Variants in TSPAN12 observed in about 807,000 individuals in gnomAD.
TSPAN12 encodes tetraspanin 12.
Under a neutral mutation model 39.2 loss-of-function variants are expected in TSPAN12, and 19 were observed. That is an observed-to-expected ratio of 0.49 (90% CI 0.34 to 0.71). The LOEUF is 0.71. Ranked by LOEUF, TSPAN12 falls within the 30% of genes least tolerant of loss-of-function variation. TSPAN12 has a pLI of 0.01. For missense variants in TSPAN12, 314 were observed against 359.9 expected (o/e 0.87, Z 1.03); for synonymous variants, 119 against 124.8 (o/e 0.95, Z 0.31).
chr7:120,816,250 C>A (rs1794080226), intron 4 of TSPAN12, among the ~76,000 whole-genome samples: 2 of 151,780 alleles, frequency 1.3e-5, no homozygotes, highest in South Asian at 4.1e-4. Flanking sequence ...GGAAAAAGCA[C>A]AACATAGAAC....
At chr7:120,845,138 G>A (rs998866727) in intron 2 of TSPAN12, among the ~76,000 whole-genome samples, 1 of 152,190 alleles carries the variant, frequency 6.6e-6, no homozygotes, top group Non-Finnish European at 1.5e-5. Context: ...AGCCACAGCT[G>A]GAGCTGAAGC....
intron 4 of TSPAN12, among the ~76,000 whole-genome samples, chr7:120,834,450 T>C (rs1794441077): frequency 6.6e-6 from 1 of 152,170 alleles, no homozygotes; most frequent in African/African-American, 2.4e-5. Flanking sequence ...TGTTGCTTTT[T>C]GATGAGGGCT....
intron 4 of TSPAN12, among the ~76,000 whole-genome samples, chr7:120,833,066 G>T (rs1794416820): frequency 6.6e-6 from 1 of 152,042 alleles, no homozygotes; most frequent in African/African-American, 2.4e-5. Flanking sequence ...TATCTTTGGG[G>T]ATTCTACTTT....
chr7:120,812,375 G>C (rs1410955857), intron 5 of TSPAN12, among the ~76,000 whole-genome samples: 1 of 152,154 alleles, frequency 6.6e-6, no homozygotes, highest in Non-Finnish European at 1.5e-5. Context: ...GATCTATGAA[G>C]TAATATAGAC....
At chr7:120,810,133 T>C (rs1048803195) in intron 6 of TSPAN12, among the ~76,000 whole-genome samples, 1 of 152,140 alleles carries the variant, frequency 6.6e-6, no homozygotes, top group African/African-American at 2.4e-5. Context: ...CTAAAAGTCA[T>C]GAAAAAATCT....
At position 120,809,396 on chromosome 7, in the gene TSPAN12, C is replaced by G. The variant is rs142453993; in HGVS notation, c.468+1067G>C. 3.9e-3 allele frequency among the ~76,000 whole-genome samples: 593 copies of G among 152,110 alleles called. 6 individuals carry two copies. Among genetic ancestry groups the G allele is most frequent in the African/African-American group, 0.014 (575 of 41,496 alleles). ...TTTTCTCTTTGTGTTGTTTTTAGCA[C>G]AAATATACAATAAATAAACAAAGTT... On this transcript the variant is annotated intron_variant, in intron 6 of 7. Coordinates refer to ENST00000222747, the MANE Select transcript of TSPAN12 (RefSeq NM_012338.4).
At chr7:120,828,280 C>T (rs1290245956) in intron 4 of TSPAN12, among the ~76,000 whole-genome samples, 2 of 152,182 alleles carry the variant, frequency 1.3e-5, no homozygotes, top group African/African-American at 4.8e-5. Context: ...GACACTCCTA[C>T]CAGGGATACA....
intron 7 of TSPAN12, among the ~76,000 whole-genome samples, chr7:120,789,920 C>T (rs1793488106): frequency 1.3e-5 from 2 of 151,928 alleles, no homozygotes; most frequent in Non-Finnish European, 2.9e-5. Flanking sequence ...TAATATGGTG[C>T]CAGCCAAGTA....
In TSPAN12 at chr7:120,829,358, A is replaced by G. The variant is rs551641714; in HGVS notation, c.285+9419T>C. ...CTTATTTAGCCAACAACTTCATTAG[A>G]CATTGCACATAAAGCAAATACTAAC... is the stretch of plus-strand genomic sequence containing the variant. On this transcript the variant is annotated intron_variant, in intron 4 of 7. Transcript: ENST00000222747. Among the ~76,000 whole-genome samples, 17 of 152,256 alleles carry G rather than the reference A, an allele frequency of 1.1e-4. No homozygotes were observed. In the South Asian group the frequency reaches 3.5e-3, roughly 32 times the overall value.
chr7:120,849,966 C>T (rs1053916519), intron 2 of TSPAN12, among the ~76,000 whole-genome samples: 3 of 152,192 alleles, frequency 2.0e-5, no homozygotes, highest in South Asian at 2.1e-4. Context: ...GTGAGTCACA[C>T]GTGTGTTTCA....
intron 4 of TSPAN12, among the ~76,000 whole-genome samples, chr7:120,835,617 T>A (rs1794461927): frequency 6.6e-6 from 1 of 152,162 alleles, no homozygotes; most frequent in Non-Finnish European, 1.5e-5. Context: ...TTCAAAGTTT[T>A]AGTCCAATTT....
intron 4 of TSPAN12, among the ~76,000 whole-genome samples, chr7:120,832,780 AAGG>A (rs1794411024): frequency 6.6e-6 from 1 of 152,140 alleles, no homozygotes; most frequent in Non-Finnish European, 1.5e-5. Context: ...GTAAAAAGGA[AAGG>A]AGAAACTGCT....
At chr7:120,828,275 T>C (rs898385353) in intron 4 of TSPAN12, among the ~76,000 whole-genome samples, 3 of 152,116 alleles carry the variant, frequency 2.0e-5, no homozygotes, top group Admixed American at 2.0e-4. Context: ...GAATAGACAC[T>C]CCTACCAGGG....
At chr7:120,823,452 C>A (rs377546423) in intron 4 of TSPAN12, among the ~76,000 whole-genome samples, 7 of 152,042 alleles carry the variant, frequency 4.6e-5, no homozygotes, top group African/African-American at 1.7e-4. Context: ...AACAACAGAT[C>A]ATTCCAGAAA....
intron 4 of TSPAN12, among the ~76,000 whole-genome samples, chr7:120,818,721 T>A (rs192519602): frequency 1.2e-4 from 19 of 152,274 alleles, no homozygotes; most frequent in Admixed American, 1.1e-3. Context: ...GATAAAGTAG[T>A]ATTTTGTTAA....
chr7:120,855,820 G>A (rs1009359003), intron 2 of TSPAN12, among the ~76,000 whole-genome samples: 1 of 152,066 alleles, frequency 6.6e-6, no homozygotes, highest in Non-Finnish European at 1.5e-5. Flanking sequence ...CAGCCAGTCA[G>A]CCACATAAAT....
At chr7:120,848,016 A>G (rs1183128894) in intron 2 of TSPAN12, among the ~76,000 whole-genome samples, 1 of 152,126 alleles carries the variant, frequency 6.6e-6, no homozygotes, top group Non-Finnish European at 1.5e-5. Context: ...GGAAAACAAC[A>G]AAACTGCTTG....
At position 120,857,153 on chromosome 7, in the gene TSPAN12, C is replaced by T. The variant is rs1410905332; in HGVS notation, c.-70-320G>A. The stretch of plus-strand genomic sequence containing the variant: ...CATTCTGATGAGACGCTCTTGAAAA[C>T]CTCCCTCACTCCACGCCCCTCCTCG... On this transcript the variant is annotated intron_variant, in intron 1 of 7. Transcript: ENST00000222747. 4 of 358,226 alleles carry T rather than the reference C, an allele frequency of 1.1e-5. No individual in the cohort carries two copies. The Admixed American group carries it at 1.2e-4, about 10-fold the overall frequency. 22.2% of individuals were successfully genotyped at this position (358,226 alleles called of 1,614,324 possible).
intron 7 of TSPAN12, among the ~76,000 whole-genome samples, chr7:120,798,616 T>C (rs774064217): frequency 1.3e-5 from 2 of 152,234 alleles, no homozygotes; most frequent in African/African-American, 4.8e-5. Context: ...TTTGTGAATA[T>C]GTTTCCCTTT....
Sources: gnomAD v4.1 joint callset for allele counts (sites outside exome capture counted in the v4.1 genomes callset) on GRCh38, gnomAD v4.1.1 for gene constraint, MANE v1.5 for transcripts, NCBI Gene and HGNC (gene_info 2026-07-23, HGNC 2026-07-21) for gene names.